THAP2: variants seen among roughly 807,000 people sequenced by gnomAD.
THAP2 encodes the protein THAP domain-containing protein 2.
THAP2 carries 16 observed loss-of-function variants against 18.8 expected under a neutral mutation model. The ratio of observed to expected loss-of-function variants is 0.85; its 90% CI spans 0.58 to 1.29. The LOEUF (loss-of-function observed/expected upper bound fraction) is 1.29. THAP2 is among the 50% of genes most tolerant of loss of function. The pLI, the probability that THAP2 is intolerant of heterozygous loss-of-function variation, is 0.00. For missense variants in THAP2, 251 were observed against 265.3 expected (o/e 0.95, Z 0.38); for synonymous variants, 80 against 89.2 (o/e 0.90, Z 0.58).
At chr12:71,675,128 G>A (rs962948991) in intron 2 of THAP2, among the ~76,000 whole-genome samples, 8 of 152,050 alleles carry the variant, frequency 5.3e-5, no homozygotes, top group Non-Finnish European at 1.2e-4. Flanking sequence ...GTCACCAAGA[G>A]TAAGAAAGGG....
chr12:71,664,438 T>C lies in THAP2; in HGVS notation c.-72T>C. 1 of 1,590,578 alleles carries C rather than the reference T, an allele frequency of 6.3e-7. No homozygotes were observed. The highest frequency in any genetic ancestry group is 1.1e-5 in the South Asian group (1 of 90,592). On this transcript the variant is annotated 5_prime_UTR_variant, in exon 1 of 3. Transcript: ENST00000308086. Reference sequence around the variant, plus strand: ...GCACGCCTGCCTCGATTGTCCAGCCTCTGCCAGAAGAAAGCTTAGCAGCCA... The same window carrying C: ...GCACGCCTGCCTCGATTGTCCAGCCCCTGCCAGAAGAAAGCTTAGCAGCCA...
intron 1 of THAP2, among the ~76,000 whole-genome samples, chr12:71,668,318 C>T (rs1190537158): frequency 4.6e-5 from 7 of 152,140 alleles, no homozygotes; most frequent in African/African-American, 7.2e-5. Flanking sequence ...TAAGACTCAT[C>T]GACACTTGTA....
chr12:71,671,464 T>C (rs1397437518), intron 1 of THAP2, among the ~76,000 whole-genome samples: 1 of 152,244 alleles, frequency 6.6e-6, no homozygotes, highest in African/African-American at 2.4e-5. Flanking sequence ...CTTGAATTTC[T>C]TTAAGATCCA....
chr12:71,671,459 A>AT (rs761316832), intron 1 of THAP2, among the ~76,000 whole-genome samples: 1 of 152,144 alleles, frequency 6.6e-6, no homozygotes, highest in Non-Finnish European at 1.5e-5. Context: ...CAGCTCTTGA[A>AT]TTTCTTTAAG....
chr12:71,674,254 CA>C lies in THAP2; in HGVS notation c.128del (p.Asn43IlefsTer22), dbSNP rs1465171074. ...RKEWVRLVRR[K>X]NFVPGKHTFL... ...AAGAATGGGTTCGCCTGGTTAGGCG[CA>C]AAAATTTTGTGCCAGGAAAACACAC... On this transcript the variant is annotated frameshift_variant, in exon 2 of 3. Coordinates refer to ENST00000308086, the MANE Select transcript of THAP2 (RefSeq NM_031435.4). LOFTEE classifies it high-confidence loss of function. 17 of 1,612,388 alleles carry C rather than the reference CA, an allele frequency of 1.1e-5. No homozygotes were observed. Among genetic ancestry groups the C allele is most frequent in the Non-Finnish European group, 1.4e-5 (17 of 1,179,148 alleles).
intron 1 of THAP2, chr12:71,665,501 A>G (rs935268570): frequency 2.0e-5 from 3 of 152,690 alleles, no homozygotes; most frequent in Non-Finnish European, 2.9e-5. Context: ...TCATTCATCC[A>G]TCAAATATGT....
chr12:71,669,901 G>C (rs1881404532), intron 1 of THAP2, among the ~76,000 whole-genome samples: 1 of 148,674 alleles, frequency 6.7e-6, no homozygotes, highest in South Asian at 2.1e-4. Flanking sequence ...AGGTTGCAGT[G>C]AGCTGAGATC....
chr12:71,674,883 G>GACATT (rs1881498193), intron 2 of THAP2, among the ~76,000 whole-genome samples: 1 of 152,014 alleles, frequency 6.6e-6, no homozygotes, highest in Non-Finnish European at 1.5e-5. Flanking sequence ...AGGGAACTTG[G>GACATT]CTTTGCACAG....
rs138854853 is a variant in THAP2 at position 71,677,668 on chromosome 12, T to TATTC, written c.*560_*561insATTC. 3.3e-5 allele frequency: 5 copies of TATTC among 152,188 alleles called. No individual in the cohort carries two copies. The highest frequency in any genetic ancestry group is 1.2e-4 in the African/African-American group (5 of 41,494). 9.4% of individuals were successfully genotyped at this position (152,188 alleles called of 1,614,324 possible). A position where few individuals can be genotyped will look rare whatever the true frequency, so the allele number is the denominator to read the frequency against. ...CTTATCATGGCCTCTCTCATAAGAATGATTTTAAAATAGGTTGTAAAATAT... is the reference window on the plus strand; with the variant it reads ...CTTATCATGGCCTCTCTCATAAGAATATTCGATTTTAAAATAGGTTGTAAAATAT... On this transcript the variant is annotated 3_prime_UTR_variant, in exon 3 of 3. Coordinates refer to ENST00000308086, the MANE Select transcript of THAP2 (RefSeq NM_031435.4).
rs1225037581 is a variant in THAP2 at position 71,677,009 on chromosome 12, C to T, written c.588C>T (p.Ser196=). The T allele has an allele frequency of 6.2e-7, 1 of 1,613,550 alleles. No homozygotes were observed. The highest frequency in any genetic ancestry group is 2.2e-5 in the East Asian group (1 of 44,860). The change falls in exon 3 of 3, where the codon AGC becomes AGT. Residue 196 remains serine (S), a synonymous_variant. Coordinates refer to ENST00000308086, the MANE Select transcript of THAP2 (RefSeq NM_031435.4). ...AACACATGTTACCAACTGCCTTAAG[C>T]AGTCTTCCTTTGGAAGATTTTAAGA... ...TSEHMLPTAL[S]SLPLEDFKIL...
chr12:71,667,808 T>G (rs768142866), intron 1 of THAP2: 3 of 152,208 alleles, frequency 2.0e-5, no homozygotes, highest in Non-Finnish European at 4.4e-5. Flanking sequence ...TTTCAAGCTA[T>G]CAATATGACA....
intron 1 of THAP2, chr12:71,665,129 G>A: frequency 1.8e-6 from 1 of 562,408 alleles, no homozygotes; most frequent in East Asian, 2.9e-5. Context: ...GTAATAAAAA[G>A]AACCTAGGTT....
chr12:71,676,432 G>A lies in THAP2; in HGVS notation c.268-257G>A, dbSNP rs543224887. Among the ~76,000 whole-genome samples, 3 of 152,112 alleles carry A rather than the reference G, an allele frequency of 2.0e-5. No homozygotes were observed. The South Asian group carries it at 6.2e-4, about 32-fold the overall frequency. On this transcript the variant is annotated intron_variant, in intron 2 of 2. Coordinates refer to ENST00000308086, the MANE Select transcript of THAP2 (RefSeq NM_031435.4). ...CAATAATTTGGAAGAAACCTTGGACGTCCATTGTCTATTTCCAAATCAGTG... is the reference window on the plus strand; with the variant it reads ...CAATAATTTGGAAGAAACCTTGGACATCCATTGTCTATTTCCAAATCAGTG...
chr12:71,674,218 T>C lies in THAP2; in HGVS notation c.87T>C (p.Pro29=), dbSNP rs199730330. ...NISFHRFPLD[P]KRRKEWVRLV... ...TTTTTTTAAGGTTTCCTTTGGATCC[T>C]AAAAGAAGAAAAGAATGGGTTCGCC... The change falls in exon 2 of 3, where the codon CCT becomes CCC. Residue 29 remains proline (P), a synonymous_variant. Transcript: ENST00000308086. 5 of 1,595,516 alleles carry C rather than the reference T, an allele frequency of 3.1e-6. No individual in the cohort carries two copies. The highest frequency in any genetic ancestry group is 3.6e-5 in the Admixed American group (2 of 56,096).
At position 71,664,309 on chromosome 12, in the gene THAP2, A is replaced by G. The variant is rs994719782; in HGVS notation, c.-201A>G. ...CCAGTTCTGTGGGCTCTAGTCGGCCATATTAATAAAGAGAAAGGGAAGGCT... is the reference window on the plus strand; with the variant it reads ...CCAGTTCTGTGGGCTCTAGTCGGCCGTATTAATAAAGAGAAAGGGAAGGCT... On this transcript the variant is annotated 5_prime_UTR_variant, in exon 1 of 3. Coordinates refer to ENST00000308086, the MANE Select transcript of THAP2 (RefSeq NM_031435.4). 1.7e-6 allele frequency: 1 copy of G among 594,668 alleles called. No homozygotes were observed. Among genetic ancestry groups the G allele is most frequent in the South Asian group, 2.0e-5 (1 of 49,362 alleles). The allele number at this position is 594,668 out of a possible 1,614,324, so 36.8% of individuals were successfully genotyped here.
At chr12:71,674,092 T>G in intron 1 of THAP2, 111 bp from the exon 2 acceptor site, 1 of 1,106,440 alleles carries the variant, frequency 9.0e-7, no homozygotes, top group Non-Finnish European at 1.2e-6. Context: ...GTTTAAAATT[T>G]TTTAGGTAAA....
At position 71,674,198 on chromosome 12, in the gene THAP2, T is replaced by C; in HGVS notation, c.72-5T>C. ...GAATTTGAGTTGCATTTTTTTTTTTTTAAGGTTTCCTTTGGATCCTAAAAG... is the reference window on the plus strand; with the variant it reads ...GAATTTGAGTTGCATTTTTTTTTTTCTAAGGTTTCCTTTGGATCCTAAAAG... On this transcript the variant is annotated splice_polypyrimidine_tract_variant and splice_region_variant and intron_variant, in intron 1 of 2. Coordinates refer to ENST00000308086, the MANE Select transcript of THAP2 (RefSeq NM_031435.4). The C allele has an allele frequency of 6.4e-7, 1 of 1,560,258 alleles. No homozygotes were observed. The highest frequency in any genetic ancestry group is 8.6e-7 in the Non-Finnish European group (1 of 1,157,090).
At chr12:71,664,803 T>G in intron 1 of THAP2, 1 of 710,092 alleles carries the variant, frequency 1.4e-6, no homozygotes, top group Non-Finnish European at 2.5e-6. Flanking sequence ...GTTTGGTCAT[T>G]ACCCCTTAGT....
chr12:71,664,455 T>C lies in THAP2; in HGVS notation c.-55T>C. 3 of 1,608,730 alleles carry C rather than the reference T, an allele frequency of 1.9e-6. No homozygotes were observed. Among genetic ancestry groups the C allele is most frequent in the Non-Finnish European group, 1.7e-6 (2 of 1,175,560 alleles). On this transcript the variant is annotated 5_prime_UTR_variant, in exon 1 of 3. Transcript: ENST00000308086. ...GTCCAGCCTCTGCCAGAAGAAAGCT[T>C]AGCAGCCAGCGCCTCAGTAGAGACC...
Sources: gnomAD v4.1 joint callset for allele counts (sites outside exome capture counted in the v4.1 genomes callset) on GRCh38, gnomAD v4.1.1 for gene constraint, MANE v1.5 for transcripts, NCBI Gene and HGNC (gene_info 2026-07-23, HGNC 2026-07-21) for gene names.